The following DNAJC1 variants were observed in gnomAD, a reference collection of about 807,000 sequenced individuals.
DNAJC1 encodes DnaJ heat shock protein family (Hsp40) member C1.
Under a neutral mutation model 76.6 loss-of-function variants are expected in DNAJC1, and 58 were observed. The ratio of observed to expected loss-of-function variants is 0.76; its 90% CI spans 0.61 to 0.94. The LOEUF is 0.94. Ranked by LOEUF, DNAJC1 falls within the 40% of genes least tolerant of loss-of-function variation. DNAJC1 has a pLI of 0.00. For synonymous variants in DNAJC1, 258 were observed against 267.9 expected, an observed-to-expected ratio of 0.96 and a Z score of 0.36; for missense variants, 689 against 677.3, an observed-to-expected ratio of 1.02 and a Z score of -0.19.
intron 9 of DNAJC1, among the ~76,000 whole-genome samples, chr10:21,769,677 GTT>G (rs1258942053): frequency 6.6e-6 from 1 of 152,028 alleles, no homozygotes; most frequent in Non-Finnish European, 1.5e-5. Context: ...AAACTCATCA[GTT>G]TTTCTTTTCT....
intron 9 of DNAJC1, among the ~76,000 whole-genome samples, chr10:21,778,997 G>A (rs1016159171): frequency 1.3e-5 from 2 of 152,184 alleles, no homozygotes; most frequent in East Asian, 1.9e-4. Context: ...CTCGCTCATC[G>A]CTAGCACAGC....
chr10:21,887,144 C>A (rs1284604843), intron 7 of DNAJC1, among the ~76,000 whole-genome samples: 1 of 151,816 alleles, frequency 6.6e-6, no homozygotes, highest in Non-Finnish European at 1.5e-5. Flanking sequence ...TCACAACTGC[C>A]GCAAAAAGAA....
intron 7 of DNAJC1, among the ~76,000 whole-genome samples, chr10:21,898,926 C>G (rs1836596158): frequency 1.3e-5 from 2 of 151,958 alleles, no homozygotes; most frequent in Admixed American, 6.6e-5. Flanking sequence ...GAATTCAGCA[C>G]CTTCAACTGA....
chr10:21,867,027 G>A (rs1836012163), intron 8 of DNAJC1, among the ~76,000 whole-genome samples: 1 of 152,050 alleles, frequency 6.6e-6, no homozygotes, highest in African/African-American at 2.4e-5. Context: ...TGATCCTAGA[G>A]GGACATTTAT....
intron 6 of DNAJC1, among the ~76,000 whole-genome samples, chr10:21,915,079 A>G (rs1181126374): frequency 6.6e-6 from 1 of 152,228 alleles, no homozygotes; most frequent in African/African-American, 2.4e-5. Context: ...TATACATTTA[A>G]TATCTTTTTA....
intron 1 of DNAJC1, among the ~76,000 whole-genome samples, chr10:21,936,573 CA>C (rs1356185636): frequency 6.6e-6 from 1 of 152,074 alleles, no homozygotes; most frequent in Non-Finnish European, 1.5e-5. Context: ...CAATAAACAA[CA>C]CAAGGAATAG....
At chr10:21,806,754 C>T (rs1834889304) in intron 8 of DNAJC1, among the ~76,000 whole-genome samples, 1 of 151,574 alleles carries the variant, frequency 6.6e-6, no homozygotes, top group African/African-American at 2.4e-5. Flanking sequence ...ACTCTTGTGG[C>T]CAAGACTCAA....
At chr10:21,977,410 A>T (rs559312608) in intron 1 of DNAJC1, among the ~76,000 whole-genome samples, 2 of 152,218 alleles carry the variant, frequency 1.3e-5, no homozygotes, top group Non-Finnish European at 2.9e-5. Context: ...CTTATTTTGT[A>T]GACATCCACG....
At chr10:21,860,449 T>C (rs566860665) in intron 8 of DNAJC1, among the ~76,000 whole-genome samples, 1 of 152,088 alleles carries the variant, frequency 6.6e-6, no homozygotes, top group Non-Finnish European at 1.5e-5. Flanking sequence ...TCCCAGCACT[T>C]TGGGAGGCTA....
At chr10:21,896,859 G>A (rs78173847) in intron 7 of DNAJC1, among the ~76,000 whole-genome samples, 2,435 of 152,242 alleles carry the variant, frequency 0.016, 61 homozygotes, top group African/African-American at 0.056. Context: ...ATGAGGTCAT[G>A]AGGGCTCTTC....
In DNAJC1 at chr10:21,985,945, C is replaced by T. The variant is rs532122152; in HGVS notation, c.222+17268G>A. Among the ~76,000 whole-genome samples, 34 of 152,066 alleles carry T rather than the reference C, an allele frequency of 2.2e-4. 1 individual carries two copies. Among genetic ancestry groups the T allele is most frequent in the African/African-American group, 7.7e-4 (32 of 41,510 alleles). ...TTTTTTATTAAAAAAAAAACTGCCA[C>T]GGCCGGGCACGGTGGCTCACGCCTG... On this transcript the variant is annotated intron_variant, in intron 1 of 11. Coordinates refer to ENST00000376980, the MANE Select transcript of DNAJC1 (RefSeq NM_022365.4).
intron 1 of DNAJC1, among the ~76,000 whole-genome samples, chr10:21,938,239 A>G (rs564530211): frequency 7.9e-5 from 12 of 152,224 alleles, no homozygotes; most frequent in African/African-American, 2.9e-4. Flanking sequence ...AAAGTAAAAA[A>G]CAAATCTCTA....
intron 1 of DNAJC1, among the ~76,000 whole-genome samples, chr10:21,958,431 C>CTT (rs554641280): frequency 7.8e-5 from 11 of 141,226 alleles, no homozygotes; most frequent in Admixed American, 2.8e-4. Context: ...ACAGATTTGT[C>CTT]TTTTTTTTTT....
At chr10:21,947,492 G>A (rs1837523468) in intron 1 of DNAJC1, among the ~76,000 whole-genome samples, 1 of 151,958 alleles carries the variant, frequency 6.6e-6, no homozygotes, top group Non-Finnish European at 1.5e-5. Context: ...TCCACTTAAT[G>A]AATAGTAAGT....
At chr10:21,816,004 A>G (rs2131651994) in intron 8 of DNAJC1, among the ~76,000 whole-genome samples, 1 of 151,160 alleles carries the variant, frequency 6.6e-6, no homozygotes, top group East Asian at 2.0e-4. Context: ...TCGGCCTCCC[A>G]AAGTGCTGGG....
At chr10:21,816,586 C>T (rs1320186308) in intron 8 of DNAJC1, among the ~76,000 whole-genome samples, 1 of 148,348 alleles carries the variant, frequency 6.7e-6, no homozygotes, top group Non-Finnish European at 1.5e-5. Flanking sequence ...CGCTCTGTCA[C>T]CCAGGCTGGA....
intron 9 of DNAJC1, among the ~76,000 whole-genome samples, chr10:21,799,962 A>G (rs547404531): frequency 6.6e-6 from 1 of 152,212 alleles, no homozygotes; most frequent in Admixed American, 6.5e-5. Flanking sequence ...TTTACTTTGG[A>G]GACATCTTAT....
intron 8 of DNAJC1, among the ~76,000 whole-genome samples, chr10:21,829,541 G>A (rs1002682731): frequency 1.3e-5 from 2 of 151,692 alleles, no homozygotes; most frequent in Admixed American, 6.6e-5. Context: ...TACTAGAGAC[G>A]GGATTAAACC....
chr10:21,947,762 A>G (rs1837530006), intron 1 of DNAJC1, among the ~76,000 whole-genome samples: 2 of 152,186 alleles, frequency 1.3e-5, no homozygotes, highest in African/African-American at 2.4e-5. Flanking sequence ...CAGGAATTGT[A>G]TATGACTTTT....
Sources: allele counts gnomAD v4.1 joint callset (sites outside exome capture counted in the v4.1 genomes callset), GRCh38; gene constraint gnomAD v4.1.1; transcripts MANE v1.5; gene names NCBI Gene and HGNC (gene_info 2026-07-23, HGNC 2026-07-21).